Variants in ARHGAP26 observed in about 807,000 individuals in gnomAD.
ARHGAP26 encodes rho GTPase-activating protein 26.
ARHGAP26 carries 38 observed loss-of-function variants against 104.8 expected under a neutral mutation model. That is an observed-to-expected ratio of 0.36 (90% confidence interval 0.28 to 0.48). The LOEUF is 0.48. ARHGAP26 is among the 20% of genes least tolerant of loss of function. ARHGAP26 has a pLI of 0.99. For synonymous variants in ARHGAP26, 341 were observed against 340.0 expected, an observed-to-expected ratio of 1.00 and a Z score of -0.03; for missense variants, 704 against 947.9, an observed-to-expected ratio of 0.74 and a Z score of 3.38.
At chr5:142,858,061 C>CTGTGTG (rs746146391) in intron 1 of ARHGAP26, among the ~76,000 whole-genome samples, 5,212 of 134,234 alleles carry the variant, frequency 0.039, 190 homozygotes, top group African/African-American at 0.098. Flanking sequence ...GAGAGAGAAT[C>CTGTGTG]TGTGTGTGTG....
chr5:143,178,004 T>C (rs2151170352), intron 20 of ARHGAP26, among the ~76,000 whole-genome samples: 1 of 139,272 alleles, frequency 7.2e-6, no homozygotes, highest in Middle Eastern at 3.6e-3. Flanking sequence ...TTTTTTTTTT[T>C]TTTTTTTTTT....
At chr5:142,839,720 G>A (rs1561929779) in intron 1 of ARHGAP26, among the ~76,000 whole-genome samples, 1 of 152,148 alleles carries the variant, frequency 6.6e-6, no homozygotes, top group Non-Finnish European at 1.5e-5. Flanking sequence ...TTGTTCGAAA[G>A]GGAAAGTTTT....
intron 11 of ARHGAP26, among the ~76,000 whole-genome samples, chr5:142,970,202 G>C (rs1163322507): frequency 6.6e-6 from 1 of 152,142 alleles, no homozygotes; most frequent in African/African-American, 2.4e-5. Context: ...CAGGCCTTCT[G>C]CTAGATTACA....
intron 17 of ARHGAP26, among the ~76,000 whole-genome samples, chr5:143,069,060 C>T (rs13160715): frequency 6.6e-6 from 1 of 152,286 alleles, no homozygotes; most frequent in East Asian, 1.9e-4. Flanking sequence ...CCCCAGGACT[C>T]TGTCCTTCAG....
chr5:143,198,327 A>G (rs966991513), intron 20 of ARHGAP26, among the ~76,000 whole-genome samples: 4 of 152,210 alleles, frequency 2.6e-5, no homozygotes, highest in African/African-American at 9.6e-5. Flanking sequence ...AAAATGCTTT[A>G]GTGTTTTCTT....
In ARHGAP26 at chr5:142,987,897, C is replaced by G. The variant is rs143860114; in HGVS notation, c.1108-26183C>G. 3.4e-3 allele frequency among the ~76,000 whole-genome samples: 515 copies of G among 152,288 alleles called. 1 individual carries two copies. Among genetic ancestry groups the G allele is most frequent in the African/African-American group, 0.012 (482 of 41,548 alleles). On this transcript the variant is annotated intron_variant, in intron 11 of 22. Coordinates refer to ENST00000645722, the MANE Select transcript of ARHGAP26 (RefSeq NM_001135608.3). ...TTGATGTGCTGCTGGATTCGGTTTG[C>G]CAGTATTTTATTGAGGATTTTAGCA...
intron 12 of ARHGAP26, among the ~76,000 whole-genome samples, chr5:143,033,481 A>C (rs1782177629): frequency 6.6e-6 from 1 of 152,220 alleles, no homozygotes; most frequent in Admixed American, 6.5e-5. Flanking sequence ...TGCCACACAC[A>C]CAAAAAAAGG....
intron 11 of ARHGAP26, among the ~76,000 whole-genome samples, chr5:142,951,971 C>T (rs1179633018): frequency 6.6e-6 from 1 of 152,214 alleles, no homozygotes; most frequent in Non-Finnish European, 1.5e-5. Flanking sequence ...AGAATCCTTC[C>T]TCACCTCTTC....
chr5:143,185,508 T>G (rs1805003825), intron 20 of ARHGAP26, among the ~76,000 whole-genome samples: 1 of 152,248 alleles, frequency 6.6e-6, no homozygotes, highest in Non-Finnish European at 1.5e-5. Context: ...TGGCTCTGAA[T>G]ATTTGAATTA....
chr5:142,885,502 G>A, intron 5 of ARHGAP26, 103 bp downstream of exon 5: 1 of 988,852 alleles, frequency 1.0e-6, no homozygotes, highest in Middle Eastern at 3.4e-4. Context: ...GGTTAGAAGG[G>A]ACCTGGGAAG....
At chr5:142,934,422 G>C (rs1373608122) in intron 11 of ARHGAP26, among the ~76,000 whole-genome samples, 1 of 152,214 alleles carries the variant, frequency 6.6e-6, no homozygotes, top group Non-Finnish European at 1.5e-5. Flanking sequence ...CCACACTTCT[G>C]TGTGCTTTTT....
intron 12 of ARHGAP26, among the ~76,000 whole-genome samples, chr5:143,019,966 CAGGCAT>C (rs758163951): frequency 9.2e-5 from 14 of 152,232 alleles, no homozygotes; most frequent in Non-Finnish European, 1.5e-4. Context: ...GAAGTTGCTG[CAGGCAT>C]GCCTTCTCAT....
At chr5:142,775,087 G>T (rs938696796) in intron 1 of ARHGAP26, among the ~76,000 whole-genome samples, 4 of 151,984 alleles carry the variant, frequency 2.6e-5, no homozygotes, top group African/African-American at 9.7e-5. Flanking sequence ...ACTCATTTGG[G>T]TAAATACCAA....
chr5:143,012,543 A>ATATATG (rs56994836), intron 11 of ARHGAP26, among the ~76,000 whole-genome samples: 1 of 44,938 alleles, frequency 2.2e-5, no homozygotes, highest in African/African-American at 6.2e-5. Context: ...ATATTTATAT[A>ATATATG]CATACATACA....
At chr5:143,015,988 A>G (rs1779529291) in intron 12 of ARHGAP26, among the ~76,000 whole-genome samples, 1 of 152,216 alleles carries the variant, frequency 6.6e-6, no homozygotes, top group African/African-American at 2.4e-5. Flanking sequence ...TAGAGTGCAA[A>G]GATAGTTTGT....
intron 21 of ARHGAP26, among the ~76,000 whole-genome samples, chr5:143,211,046 C>CT (rs954054721): frequency 6.6e-6 from 1 of 152,168 alleles, no homozygotes; most frequent in African/African-American, 2.4e-5. Flanking sequence ...AATACAATCT[C>CT]TCTGCCAACA....
In ARHGAP26 at chr5:143,225,702, T is replaced by C. The variant is rs1811605859; in HGVS notation, c.*3256T>C. Reference sequence around the variant, plus strand: ...AAACAGAGCTGCTGCCAATGGGATCTTTTAGGTAACTCCCTCCCTAGCTTC... The same window carrying C: ...AAACAGAGCTGCTGCCAATGGGATCCTTTAGGTAACTCCCTCCCTAGCTTC... On this transcript the variant is annotated 3_prime_UTR_variant, in exon 23 of 23. Coordinates refer to ENST00000645722, the MANE Select transcript of ARHGAP26 (RefSeq NM_001135608.3). The C allele has an allele frequency of 4.4e-6, 1 of 227,010 alleles. No individual in the cohort carries two copies. Among genetic ancestry groups the C allele is most frequent in the Non-Finnish European group, 8.8e-6 (1 of 114,020 alleles). The allele number at this position is 227,010 out of a possible 1,614,324, so 14.1% of individuals were successfully genotyped here. A position where few individuals can be genotyped will look rare whatever the true frequency, so the allele number is the denominator to read the frequency against.
intron 13 of ARHGAP26, 64 bp from the exon 14 acceptor site, chr5:143,041,752 C>T: frequency 2.9e-6 from 3 of 1,049,672 alleles, no homozygotes; most frequent in Non-Finnish European, 4.1e-6. Flanking sequence ...GTGCATTTGG[C>T]TGGATTGGCC....
chr5:142,991,833 A>G (rs1028471609), intron 11 of ARHGAP26, among the ~76,000 whole-genome samples: 2 of 152,284 alleles, frequency 1.3e-5, no homozygotes, highest in African/African-American at 4.8e-5. Flanking sequence ...AAATTGCCTA[A>G]CAACGCATTT....
Sources: allele counts gnomAD v4.1 joint callset (sites outside exome capture counted in the v4.1 genomes callset), GRCh38; gene constraint gnomAD v4.1.1; transcripts MANE v1.5; gene names NCBI Gene and HGNC (gene_info 2026-07-23, HGNC 2026-07-21).